TOR3A: variants seen among roughly 807,000 people sequenced by gnomAD.
TOR3A encodes the protein torsin family 3 member A, also known as torsin-3A.
Under a neutral mutation model 42.1 loss-of-function variants are expected in TOR3A, and 44 were observed. The ratio of observed to expected loss-of-function variants is 1.04; its 90% confidence interval spans 0.82 to 1.34. TOR3A has a LOEUF of 1.34. Among genes scored for constraint, TOR3A ranks in the 40% most tolerant of loss-of-function variants. TOR3A has a pLI of 0.00. For missense variants in TOR3A, 521 were observed against 507.6 expected, an observed-to-expected ratio of 1.03 and a Z score of -0.25; for synonymous variants, 227 against 213.2, an observed-to-expected ratio of 1.06 and a Z score of -0.57.
At chr1:179,092,767 G>C (rs901554275) in intron 4 of TOR3A, among the ~76,000 whole-genome samples, 5 of 152,118 alleles carry the variant, frequency 3.3e-5, no homozygotes, top group African/African-American at 1.2e-4. Flanking sequence ...CTTGAATCCG[G>C]GAGGCAGAGG....
At chr1:179,082,789 TGA>T (rs1652327541) in intron 1 of TOR3A, 149 bp from the exon 2 acceptor site, 1 of 716,554 alleles carries the variant, frequency 1.4e-6, no homozygotes, top group African/African-American at 1.7e-5. Flanking sequence ...ACGCAGGGCT[TGA>T]GGACCGACAG....
Position 179,085,910 on chromosome 1 carries a change from C to T in TOR3A, c.639+17C>T, listed in dbSNP as rs1652422960. The T allele has an allele frequency of 6.2e-7, 1 of 1,609,414 alleles. No individual in the cohort carries two copies. The highest frequency in any genetic ancestry group is 8.5e-7 in the Non-Finnish European group (1 of 1,177,168). On this transcript the variant is annotated intron_variant, in intron 3 of 5. Coordinates refer to ENST00000367627, the MANE Select transcript of TOR3A (RefSeq NM_022371.4). ...CTGTACAAGGTGAGGCCGACCAGGG[C>T]TGGGGTGAGGCCTCTGTGCTGGGAG... is the stretch of plus-strand genomic sequence containing the variant.
Position 179,095,254 on chromosome 1 carries a change from C to A in TOR3A, c.*36C>A, listed in dbSNP as rs531451026. ...AAGACTTCCTGGAACTGCCTTTCTTCCACTAACAGGACCCTGGGACCTGTA... is the reference window on the plus strand; with the variant it reads ...AAGACTTCCTGGAACTGCCTTTCTTACACTAACAGGACCCTGGGACCTGTA... On this transcript the variant is annotated 3_prime_UTR_variant, in exon 6 of 6. Coordinates refer to ENST00000367627, the MANE Select transcript of TOR3A (RefSeq NM_022371.4). The A allele has an allele frequency of 1.9e-5, 31 of 1,611,112 alleles. No homozygotes were observed. In the South Asian group the frequency reaches 3.2e-4, roughly 17 times the overall value.
chr1:179,083,688 C>A (rs529781808), intron 2 of TOR3A, among the ~76,000 whole-genome samples: 2 of 150,200 alleles, frequency 1.3e-5, no homozygotes, highest in African/African-American at 2.4e-5. Flanking sequence ...TGATTACAGG[C>A]GTGAGCCACT....
rs1012523579 is a variant in TOR3A, at chr1:179,085,639, G to C, written c.385G>C (p.Asp129His). 4.3e-6 allele frequency: 7 copies of C among 1,613,984 alleles called. No homozygotes were observed. The African/African-American group carries it at 8.0e-5, about 18-fold the overall frequency. ...ISNNFTGLEW[D>H]LNVRLHGQHL... ...TTTCCTGTCCTTAGGCTTAGAGTGG[G>C]ACCTGAATGTGCGGCTGCATGGCCA... The change falls in exon 3 of 6, where the codon GAC (aspartate) becomes CAC (histidine). Residue 129 changes from aspartate to histidine, a missense_variant. Asp to His is a moderately conservative substitution (Grantham distance 81). Transcript: ENST00000367627.
chr1:179,083,107 T>A, intron 2 of TOR3A, 54 bp downstream of exon 2: 1 of 1,143,956 alleles, frequency 8.7e-7, no homozygotes, highest in Non-Finnish European at 1.2e-6. Flanking sequence ...GGGGAGGCAG[T>A]CCAGGGGAAA....
intron 2 of TOR3A, among the ~76,000 whole-genome samples, chr1:179,083,398 C>CTT (rs530697099): frequency 0.016 from 2,363 of 145,238 alleles, 65 homozygotes; most frequent in African/African-American, 0.046. Flanking sequence ...CCTTTCTTTT[C>CTT]TTTTTTTTTT....
chr1:179,089,480 GGAGA>G (rs1157705331), intron 4 of TOR3A, among the ~76,000 whole-genome samples: 5 of 152,316 alleles, frequency 3.3e-5, no homozygotes, highest in South Asian at 2.1e-4. Flanking sequence ...ATTTTTAAGA[GGAGA>G]GAGAGATCTC....
chr1:179,085,442 A>C lies in TOR3A; in HGVS notation c.374-186A>C, dbSNP rs1652403597. On this transcript the variant is annotated intron_variant, in intron 2 of 5. Coordinates refer to ENST00000367627, the MANE Select transcript of TOR3A (RefSeq NM_022371.4). ...CATCTCAAAAAAAAAAAAAAAAAGA[A>C]AGTAGTCCTTGAATCCCTTCTGCTA... 6 of 704,742 alleles carry C rather than the reference A, an allele frequency of 8.5e-6. No homozygotes were observed. In the South Asian group the frequency reaches 9.6e-5, roughly 11 times the overall value. The allele number at this position is 704,742 out of a possible 1,614,324, so 43.7% of individuals were successfully genotyped here. A position where few individuals can be genotyped will look rare whatever the true frequency, so the allele number is the denominator to read the frequency against.
chr1:179,088,179 A>G (rs777013136), intron 4 of TOR3A, 90 bp downstream of exon 4: 161 of 1,361,330 alleles, frequency 1.2e-4, no homozygotes, highest in Non-Finnish European at 1.5e-4. Context: ...CAGGTTCAGA[A>G]CCTTTCCTCA....
intron 3 of TOR3A, among the ~76,000 whole-genome samples, chr1:179,087,702 G>A (rs987866570): frequency 6.6e-6 from 1 of 151,924 alleles, no homozygotes; most frequent in African/African-American, 2.4e-5. Context: ...TCAACCCTCA[G>A]GGTGCTTGAG....
intron 2 of TOR3A, among the ~76,000 whole-genome samples, chr1:179,083,394 TTTTC>T (rs1253822217): frequency 7.2e-6 from 1 of 138,392 alleles, no homozygotes; most frequent in African/African-American, 2.8e-5. Context: ...TGTCCCTTTC[TTTTC>T]TTTTTTTTTT....
chr1:179,082,930 C>T lies in TOR3A; in HGVS notation c.260-10C>T. ...GTCTCCTCTCGGTCTCACAGCTCCT[C>T]CTTTTCCAGGCTGGCGCCTTCCTCT... On this transcript the variant is annotated splice_polypyrimidine_tract_variant and intron_variant, in intron 1 of 5. Coordinates refer to ENST00000367627, the MANE Select transcript of TOR3A (RefSeq NM_022371.4). 1 of 1,551,620 alleles carries T rather than the reference C, an allele frequency of 6.4e-7. No homozygotes were observed. The highest frequency in any genetic ancestry group is 2.3e-5 in the East Asian group (1 of 43,824).
At position 179,094,142 on chromosome 1, in the gene TOR3A, G is replaced by C. The variant is rs1020412760; in HGVS notation, c.868G>C (p.Ala290Pro). 6.2e-7 allele frequency: 1 copy of C among 1,614,098 alleles called. No individual in the cohort carries two copies. The highest frequency in any genetic ancestry group is 8.5e-7 in the Non-Finnish European group (1 of 1,179,994). Residue 290 changes from alanine (A) to proline (P), a missense_variant, in exon 5 of 6, where the codon GCT (alanine) becomes CCT (proline). By Grantham distance (27) the Ala-to-Pro change is conservative (BLOSUM62 -1). Coordinates refer to ENST00000367627, the MANE Select transcript of TOR3A (RefSeq NM_022371.4). ...INEVVLKLLK[A>P]GWSREEITME... is the part of the protein sequence containing the mutation. Reference sequence around the variant, plus strand: ...TGAGGTGGTCCTAAAGTTGCTCAAGGCTGGATGGTCCCGGGAAGAAATTAC... The same window carrying C: ...TGAGGTGGTCCTAAAGTTGCTCAAGCCTGGATGGTCCCGGGAAGAAATTAC...
Position 179,094,085 on chromosome 1 carries a change from T to C in TOR3A, c.819-8T>C, listed in dbSNP as rs761662923. 6.2e-7 allele frequency: 1 copy of C among 1,611,576 alleles called. No homozygotes were observed. Among genetic ancestry groups the C allele is most frequent in the Non-Finnish European group, 8.5e-7 (1 of 1,179,098 alleles). On this transcript the variant is annotated splice_region_variant and splice_polypyrimidine_tract_variant and intron_variant, in intron 4 of 5. Coordinates refer to ENST00000367627, the MANE Select transcript of TOR3A (RefSeq NM_022371.4). ...ACAAATGGGTTAACAAGCTCTTGTC[T>C]CTTTCAGTAATCTCAGGGGCGATAT...
Position 179,095,431 on chromosome 1 carries a change from G to C in TOR3A, c.*213G>C. ...TTTTTTTGGAGGTCCCACCGAGATA[G>C]ATAGGAACTTGGATTGCTGAATTCA... is the stretch of plus-strand genomic sequence containing the variant. On this transcript the variant is annotated 3_prime_UTR_variant, in exon 6 of 6. Transcript: ENST00000367627. The C allele has an allele frequency of 3.6e-6, 5 of 1,405,588 alleles. No individual in the cohort carries two copies. Among genetic ancestry groups the C allele is most frequent in the Non-Finnish European group, 4.6e-6 (5 of 1,084,618 alleles). 87.1% of individuals were successfully genotyped at this position (1,405,588 alleles called of 1,614,324 possible). A position where few individuals can be genotyped will look rare whatever the true frequency, so the allele number is the denominator to read the frequency against.
rs930423657 is a variant in TOR3A at position 179,085,644 on chromosome 1, G to T, written c.390G>T (p.Leu130=). The T allele has an allele frequency of 1.2e-6, 2 of 1,614,038 alleles. No individual in the cohort carries two copies. The highest frequency in any genetic ancestry group is 1.3e-5 in the African/African-American group (1 of 74,910). ...TGTCCTTAGGCTTAGAGTGGGACCTGAATGTGCGGCTGCATGGCCAGCATT... is the reference window on the plus strand; with the variant it reads ...TGTCCTTAGGCTTAGAGTGGGACCTTAATGTGCGGCTGCATGGCCAGCATT... ...SNNFTGLEWD[L]NVRLHGQHLV... is the part of the protein sequence containing the mutation. Residue 130 remains leucine, a synonymous_variant, in exon 3 of 6, where the codon CTG becomes CTT. Coordinates refer to ENST00000367627, the MANE Select transcript of TOR3A (RefSeq NM_022371.4).
chr1:179,093,263 CA>C (rs370270582), intron 4 of TOR3A, among the ~76,000 whole-genome samples: 2 of 152,302 alleles, frequency 1.3e-5, no homozygotes, highest in African/African-American at 4.8e-5. Flanking sequence ...ATCTCTAACC[CA>C]AATCACTTTC....
chr1:179,094,700 G>A (rs879834303), intron 5 of TOR3A, among the ~76,000 whole-genome samples: 1 of 152,068 alleles, frequency 6.6e-6, no homozygotes, highest in Non-Finnish European at 1.5e-5. Context: ...CCAACATAGT[G>A]AAACCCCGTC....
Sources: gnomAD v4.1 joint callset for allele counts (sites outside exome capture counted in the v4.1 genomes callset) on GRCh38, gnomAD v4.1.1 for gene constraint, MANE v1.5 for transcripts, NCBI Gene and HGNC (gene_info 2026-07-23, HGNC 2026-07-21) for gene names.